The following PPIL4 variants were observed in gnomAD, a reference collection of about 807,000 sequenced individuals.
PPIL4 encodes the protein peptidylprolyl isomerase like 4, also known as peptidyl-prolyl cis-trans isomerase-like 4.
A neutral mutation model predicts 69.1 loss-of-function variants in PPIL4; 50 were observed. The ratio of observed to expected loss-of-function variants is 0.72; its 90% CI spans 0.58 to 0.92. PPIL4 has a LOEUF of 0.92. Ranked by LOEUF, PPIL4 falls within the 40% of genes least tolerant of loss-of-function variation. The pLI is 0.00. For synonymous variants in PPIL4, 193 were observed against 191.6 expected (o/e 1.01, Z -0.06); for missense variants, 480 against 587.9 (o/e 0.82, Z 1.90).
intron 8 of PPIL4, among the ~76,000 whole-genome samples, 157 bp downstream of exon 8, chr6:149,526,495 T>C (rs1777109683): frequency 6.6e-6 from 1 of 152,348 alleles, no homozygotes; most frequent in Admixed American, 6.5e-5. Context: ...CACACACATA[T>C]ATACTTTTCT....
chr6:149,541,253 G>A (rs1583213547), intron 3 of PPIL4, 114 bp downstream of exon 3: 2 of 515,618 alleles, frequency 3.9e-6, no homozygotes, highest in Non-Finnish European at 3.1e-6. Context: ...ATTGAAGCAT[G>A]AGCAATTATA....
chr6:149,513,330 A>T (rs1776884705), intron 11 of PPIL4, among the ~76,000 whole-genome samples: 1 of 127,064 alleles, frequency 7.9e-6, no homozygotes, highest in Non-Finnish European at 1.6e-5. Flanking sequence ...GACTTTTGTG[A>T]GCCGAGGTTG....
Position 149,512,162 on chromosome 6 carries a change from G to C in PPIL4, c.1220C>G (p.Thr407Ser). Residue 407 changes from threonine to serine, a missense_variant, in exon 12 of 13, where the codon ACT becomes AGT. Coordinates refer to ENST00000253329, the MANE Select transcript of PPIL4 (RefSeq NM_139126.4). ...EDEDYMPIKN[T>S]NQDIYREMGF... ...TCTGGACATTAGAGGTACCTGATTA[G>C]TATTTTTGATTGGCATGTAGTCCTC... The C allele has an allele frequency of 6.2e-7, 1 of 1,605,374 alleles. No individual in the cohort carries two copies. Among genetic ancestry groups the C allele is most frequent in the Non-Finnish European group, 8.5e-7 (1 of 1,176,376 alleles).
At chr6:149,535,949 C>A (rs1777268934) in intron 4 of PPIL4, among the ~76,000 whole-genome samples, 1 of 152,188 alleles carries the variant, frequency 6.6e-6, no homozygotes. Context: ...GCATTTTTTA[C>A]AATTAAGGAT....
rs1200919281 is a variant in PPIL4 at position 149,513,412 on chromosome 6, AATATATATAT to A, written c.1080-1120_1080-1111del. Reference sequence around the variant, plus strand: ...AAAAAAAAAAAAAAAAAAAAAAAAAAATATATATATATATATATATATATATACATATAAA... The same window carrying A: ...AAAAAAAAAAAAAAAAAAAAAAAAAAATATATATATATATATACATATAAA... On this transcript the variant is annotated intron_variant, in intron 11 of 12. Transcript: ENST00000253329. Among the ~76,000 whole-genome samples, 9 of 55,324 alleles carry A rather than the reference AATATATATAT, an allele frequency of 1.6e-4. No homozygotes were observed. In the South Asian group the frequency reaches 2.1e-3, roughly 13 times the overall value. The allele number at this position is 55,324 out of a possible 152,430, so 36.3% of individuals were successfully genotyped here. A position where few individuals can be genotyped will look rare whatever the true frequency, so the allele number is the denominator to read the frequency against.
chr6:149,514,021 C>T (rs1382715062), intron 11 of PPIL4, among the ~76,000 whole-genome samples: 2 of 152,180 alleles, frequency 1.3e-5, no homozygotes, highest in African/African-American at 2.4e-5. Flanking sequence ...ACACACTTCC[C>T]TCAGGACTAG....
At chr6:149,529,818 G>C (rs912101781) in intron 7 of PPIL4, among the ~76,000 whole-genome samples, 25 of 149,438 alleles carry the variant, frequency 1.7e-4, no homozygotes, top group African/African-American at 5.5e-4. Flanking sequence ...AGGGAAAGGA[G>C]AAAGGGAAAG....
chr6:149,511,560 C>A (rs938078086), intron 12 of PPIL4, among the ~76,000 whole-genome samples: 1 of 152,130 alleles, frequency 6.6e-6, no homozygotes, highest in South Asian at 2.1e-4. Flanking sequence ...CAGGCGTGAG[C>A]CACCGTACCC....
intron 1 of PPIL4, among the ~76,000 whole-genome samples, chr6:149,544,966 A>G (rs182647698): frequency 6.6e-6 from 1 of 152,238 alleles, no homozygotes; most frequent in Admixed American, 6.5e-5. Context: ...ACTCTGATAC[A>G]TTCTCCACAC....
intron 9 of PPIL4, 144 bp downstream of exon 9, chr6:149,524,999 C>T (rs1777085565): frequency 2.0e-6 from 1 of 505,094 alleles, no homozygotes; most frequent in Non-Finnish European, 3.6e-6. Context: ...AACTTATCCC[C>T]TATATAGATA....
At position 149,537,426 on chromosome 6, in the gene PPIL4, G is replaced by A. The variant is rs189203922; in HGVS notation, c.322-1688C>T. On this transcript the variant is annotated intron_variant, in intron 4 of 12. Transcript: ENST00000253329. ...AGGCCGTTAAGAATGATGCTAAATC[G>A]GCCGGGCGCGGTGGCTCACGCCTGT... Among the ~76,000 whole-genome samples the A allele has an allele frequency of 2.6e-3, 402 of 152,222 alleles. 1 individual carries two copies. The highest frequency in any genetic ancestry group is 5.4e-3 in the South Asian group (26 of 4,820).
At chr6:149,534,100 G>A (rs1777239149) in intron 6 of PPIL4, among the ~76,000 whole-genome samples, 1 of 151,428 alleles carries the variant, frequency 6.6e-6, no homozygotes, top group Non-Finnish European at 1.5e-5. Flanking sequence ...AGGCCACAAT[G>A]AGCCGAGATC....
chr6:149,514,711 A>C (rs1481091674), intron 11 of PPIL4, among the ~76,000 whole-genome samples: 1 of 151,812 alleles, frequency 6.6e-6, no homozygotes, highest in Admixed American at 6.6e-5. Context: ...AAAAAAAAAA[A>C]CAGAAATACA....
chr6:149,526,544 G>A, intron 8 of PPIL4, 108 bp downstream of exon 8: 5 of 1,036,344 alleles, frequency 4.8e-6, no homozygotes, highest in Non-Finnish European at 7.1e-6. Context: ...AAATTCACCA[G>A]TACAAAATTC....
At chr6:149,541,159 C>T (rs1292231797) in intron 3 of PPIL4, 100 bp from the exon 4 acceptor site, 6 of 633,470 alleles carry the variant, frequency 9.5e-6, no homozygotes, top group Non-Finnish European at 1.3e-5. Flanking sequence ...TACAGAAATG[C>T]CAACAGAATT....
At chr6:149,510,092 A>G (rs1368864010) in intron 12 of PPIL4, among the ~76,000 whole-genome samples, 2 of 152,112 alleles carry the variant, frequency 1.3e-5, no homozygotes, top group African/African-American at 2.4e-5. Flanking sequence ...GATTCATGTG[A>G]GAAATATTTG....
intron 9 of PPIL4, among the ~76,000 whole-genome samples, chr6:149,523,100 C>T (rs1777057030): frequency 6.6e-6 from 1 of 151,716 alleles, no homozygotes; most frequent in South Asian, 2.1e-4. Flanking sequence ...TTTAAATAGG[C>T]CACTAAAAAG....
At chr6:149,527,063 A>C (rs1258126816) in intron 7 of PPIL4, among the ~76,000 whole-genome samples, 1 of 152,210 alleles carries the variant, frequency 6.6e-6, no homozygotes, top group Non-Finnish European at 1.5e-5. Context: ...CTCCATTTTA[A>C]AGACAAGTAA....
chr6:149,506,922 A>G (rs545803234), intron 12 of PPIL4, among the ~76,000 whole-genome samples: 1 of 152,344 alleles, frequency 6.6e-6, no homozygotes, highest in South Asian at 2.1e-4. Flanking sequence ...CAAAATTATT[A>G]TATTTCTTTA....
Sources: gnomAD v4.1 joint callset for allele counts (sites outside exome capture counted in the v4.1 genomes callset) on GRCh38, gnomAD v4.1.1 for gene constraint, MANE v1.5 for transcripts, NCBI Gene and HGNC (gene_info 2026-07-23, HGNC 2026-07-21) for gene names.